Variants in AGBL1 observed in about 807,000 individuals in gnomAD.
AGBL1 encodes cytosolic carboxypeptidase 4.
Under a neutral mutation model 118.9 loss-of-function variants are expected in AGBL1, and 130 were observed. The ratio of observed to expected loss-of-function variants is 1.09; its 90% CI spans 0.95 to 1.26. The LOEUF (loss-of-function observed/expected upper bound fraction) is 1.26. AGBL1 is among the 50% of genes most tolerant of loss of function. The pLI is 0.00. For missense variants in AGBL1, 1,584 were observed against 1,298.1 expected (o/e 1.22, Z -3.38); for synonymous variants, 555 against 478.9 (o/e 1.16, Z -2.08).
At chr15:86,123,475 G>A (rs552604870) in intron 1 of AGBL1, among the ~76,000 whole-genome samples, 1 of 152,258 alleles carries the variant, frequency 6.6e-6, no homozygotes, top group South Asian at 2.1e-4. Flanking sequence ...CCTGACCTGA[G>A]GTGATCCGCC....
chr15:86,191,369 A>AAAAAAAG (rs1247744212), intron 5 of AGBL1, among the ~76,000 whole-genome samples: 25 of 145,136 alleles, frequency 1.7e-4, no homozygotes, highest in African/African-American at 4.3e-4. Context: ...AAAAAAAAAA[A>AAAAAAAG]AGAGAGAGAG....
At chr15:86,878,649 T>A (rs2079848212) in intron 22 of AGBL1, among the ~76,000 whole-genome samples, 1 of 152,198 alleles carries the variant, frequency 6.6e-6, no homozygotes, top group African/African-American at 2.4e-5. Context: ...AATGTAATCA[T>A]CTGCACCCAG....
At chr15:86,556,341 A>T in intron 21 of AGBL1, 1 of 1,447,632 alleles carries the variant, frequency 6.9e-7, no homozygotes, top group Non-Finnish European at 9.7e-7. Context: ...GCATTGGGTC[A>T]CTAGAAGGAA....
At chr15:86,897,216 A>C (rs1423998155) in intron 22 of AGBL1, among the ~76,000 whole-genome samples, 3 of 152,166 alleles carry the variant, frequency 2.0e-5, no homozygotes, top group Non-Finnish European at 4.4e-5. Flanking sequence ...TGAAACTGCT[A>C]TAGTGCCTTA....
chr15:86,816,437 T>A (rs1427031882), intron 22 of AGBL1, among the ~76,000 whole-genome samples: 1 of 152,180 alleles, frequency 6.6e-6, no homozygotes, highest in Non-Finnish European at 1.5e-5. Flanking sequence ...AAAAGGCAGT[T>A]CAGTTGACAG....
chr15:86,396,061 C>A (rs1177897826), intron 17 of AGBL1, among the ~76,000 whole-genome samples: 3 of 150,870 alleles, frequency 2.0e-5, no homozygotes, highest in Non-Finnish European at 4.4e-5. Context: ...CTGAAAATGA[C>A]AGAATTCCAT....
intron 5 of AGBL1, among the ~76,000 whole-genome samples, chr15:86,209,805 C>A (rs1440931538): frequency 1.3e-5 from 2 of 152,056 alleles, no homozygotes; most frequent in Non-Finnish European, 2.9e-5. Context: ...GGGCATTTAG[C>A]CCATTTACAT....
At chr15:86,209,209 A>G (rs748876544) in intron 5 of AGBL1, among the ~76,000 whole-genome samples, 14 of 152,142 alleles carry the variant, frequency 9.2e-5, no homozygotes, top group African/African-American at 1.4e-4. Flanking sequence ...GTTCTTTTAC[A>G]TTGACTGAGG....
intron 22 of AGBL1, among the ~76,000 whole-genome samples, chr15:86,857,109 C>T (rs374124978): frequency 1.3e-5 from 2 of 152,164 alleles, no homozygotes; most frequent in Non-Finnish European, 1.5e-5. Context: ...AATTTCTGTA[C>T]GTTTTATGTG....
At chr15:86,545,926 T>A in intron 19 of AGBL1, 76 bp from the exon 20 acceptor site, 1 of 1,515,938 alleles carries the variant, frequency 6.6e-7, no homozygotes, top group South Asian at 1.2e-5. Flanking sequence ...GGAACATGAG[T>A]AGATACGATT....
chr15:86,094,943 A>G (rs555464370), intron 1 of AGBL1, among the ~76,000 whole-genome samples: 8 of 152,304 alleles, frequency 5.3e-5, no homozygotes, highest in African/African-American at 1.4e-4. Context: ...TCAGATGCCA[A>G]TCACCTGAAA....
rs1407887434 is a variant in AGBL1, at chr15:86,515,553, A to AT, written c.2556-7251dup. 8.5e-5 allele frequency among the ~76,000 whole-genome samples: 13 copies of AT among 152,254 alleles called. No homozygotes were observed. The East Asian group carries it at 2.1e-3, about 25-fold the overall frequency. On this transcript the variant is annotated intron_variant, in intron 18 of 22. Coordinates refer to ENST00000614907, the MANE Select transcript of AGBL1 (RefSeq NM_001386094.1). ...TCTTTTATTATTTCCTATTCTAACA[A>AT]TTTTTTGTGAGAATTAAAAAGAATT...
intron 22 of AGBL1, among the ~76,000 whole-genome samples, chr15:86,741,782 T>TA (rs748687691): frequency 1.6e-4 from 25 of 151,596 alleles, no homozygotes; most frequent in Non-Finnish European, 3.1e-4. Flanking sequence ...ATTTTTTTTT[T>TA]AACCTCTCCT....
Position 86,830,141 on chromosome 15 carries a change from A to T in AGBL1, c.3159-76946A>T, listed in dbSNP as rs142092687. Among the ~76,000 whole-genome samples, 1,089 of 152,240 alleles carry T rather than the reference A, an allele frequency of 7.2e-3. 4 individuals carry two copies. Among genetic ancestry groups the T allele is most frequent in the Non-Finnish European group, 9.9e-3 (672 of 68,020 alleles). On this transcript the variant is annotated intron_variant, in intron 22 of 22. Coordinates refer to ENST00000614907, the MANE Select transcript of AGBL1 (RefSeq NM_001386094.1). ...GTATTTTTAAATCTTTTTTTGAGGT[A>T]TAACGCATATACTCTACTCTCAGAA...
intron 22 of AGBL1, among the ~76,000 whole-genome samples, chr15:86,700,651 G>T (rs569169041): frequency 6.6e-6 from 1 of 151,956 alleles, no homozygotes; most frequent in Non-Finnish European, 1.5e-5. Flanking sequence ...TGAAAATTAG[G>T]ACCAAAAAAT....
chr15:86,524,740 G>A (rs1397924046), intron 19 of AGBL1, among the ~76,000 whole-genome samples: 1 of 152,206 alleles, frequency 6.6e-6, no homozygotes, highest in Non-Finnish European at 1.5e-5. Flanking sequence ...AATATTCCAA[G>A]AGTGTGAAGT....
chr15:86,274,290 A>G (rs1022106259), intron 15 of AGBL1, among the ~76,000 whole-genome samples: 1 of 152,194 alleles, frequency 6.6e-6, no homozygotes, highest in Non-Finnish European at 1.5e-5. Context: ...AATTTTGATT[A>G]ACTTTCTAGA....
intron 13 of AGBL1, among the ~76,000 whole-genome samples, chr15:86,269,348 A>T (rs914715409): frequency 1.3e-5 from 2 of 152,218 alleles, no homozygotes; most frequent in Non-Finnish European, 2.9e-5. Context: ...GTATGTGGAA[A>T]TTGAGGCTCA....
At chr15:86,701,638 TCCTCC>T (rs373433979) in intron 22 of AGBL1, among the ~76,000 whole-genome samples, 87 of 150,700 alleles carry the variant, frequency 5.8e-4, no homozygotes, top group Middle Eastern at 3.4e-3. Flanking sequence ...TCCTCTCCTC[TCCTCC>T]CCTCCCCTCC....
Sources: gnomAD v4.1 joint callset for allele counts (sites outside exome capture counted in the v4.1 genomes callset) on GRCh38, gnomAD v4.1.1 for gene constraint, MANE v1.5 for transcripts, NCBI Gene and HGNC (gene_info 2026-07-23, HGNC 2026-07-21) for gene names.